CDK14: variants seen among roughly 807,000 people sequenced by gnomAD.
The protein encoded by CDK14 is cyclin-dependent kinase 14.
A neutral mutation model predicts 60.7 loss-of-function variants in CDK14; 34 were observed. The ratio of observed to expected loss-of-function variants is 0.56; its 90% CI spans 0.43 to 0.75. The LOEUF (loss-of-function observed/expected upper bound fraction) is 0.75. CDK14 is among the 30% of genes least tolerant of loss of function. The pLI is 0.00. For missense variants in CDK14, 482 were observed against 564.1 expected (o/e 0.85, Z 1.47); for synonymous variants, 197 against 203.7 (o/e 0.97, Z 0.28).
chr7:91,074,858 AAACAC>A (rs1798250358), intron 11 of CDK14, among the ~76,000 whole-genome samples: 1 of 152,246 alleles, frequency 6.6e-6, no homozygotes, highest in Admixed American at 6.5e-5. Flanking sequence ...AGAATACTGT[AAACAC>A]CTCTACACAA....
At chr7:90,844,466 G>A (rs1790396491) in intron 5 of CDK14, among the ~76,000 whole-genome samples, 1 of 152,170 alleles carries the variant, frequency 6.6e-6, no homozygotes, top group Admixed American at 6.6e-5. Flanking sequence ...TCATGAGGTA[G>A]GACTTCTAAA....
intron 2 of CDK14, among the ~76,000 whole-genome samples, chr7:90,701,921 A>G (rs1465528904): frequency 2.0e-5 from 3 of 152,092 alleles, no homozygotes; most frequent in East Asian, 3.9e-4. Context: ...GCTTCTTTAC[A>G]GGTCGAGAGA....
intron 7 of CDK14, among the ~76,000 whole-genome samples, chr7:90,908,739 C>G (rs1436880176): frequency 1.3e-5 from 2 of 152,144 alleles, no homozygotes; most frequent in African/African-American, 4.8e-5. Context: ...TTTCTCGTTC[C>G]TGTATAAATT....
intron 8 of CDK14, among the ~76,000 whole-genome samples, chr7:90,922,865 C>T (rs1000757427): frequency 1.3e-5 from 2 of 152,038 alleles, no homozygotes; most frequent in African/African-American, 4.8e-5. Context: ...TTAGAAGCGT[C>T]TTAGGTTCAC....
intron 14 of CDK14, among the ~76,000 whole-genome samples, chr7:91,168,524 C>G (rs2115785766): frequency 6.6e-6 from 1 of 152,214 alleles, no homozygotes; most frequent in Admixed American, 6.5e-5. Context: ...TGCTATTCAC[C>G]TTTTATCTAT....
At chr7:91,206,705 A>G (rs979150568) in intron 14 of CDK14, among the ~76,000 whole-genome samples, 1 of 152,218 alleles carries the variant, frequency 6.6e-6, no homozygotes, top group Admixed American at 6.5e-5. Flanking sequence ...ATAATAGGCA[A>G]CCAAGGAATT....
chr7:90,865,493 A>C (rs1791148547), intron 6 of CDK14, among the ~76,000 whole-genome samples: 1 of 152,160 alleles, frequency 6.6e-6, no homozygotes, highest in East Asian at 1.9e-4. Context: ...CTTTCCTCAC[A>C]GTGTCTAGCA....
intron 7 of CDK14, among the ~76,000 whole-genome samples, chr7:90,904,076 G>C (rs1792613336): frequency 6.6e-6 from 1 of 152,094 alleles, no homozygotes; most frequent in African/African-American, 2.4e-5. Flanking sequence ...TCCTCAGTCT[G>C]CCAGCAGGGG....
chr7:90,975,420 G>A (rs748417528), intron 9 of CDK14, among the ~76,000 whole-genome samples: 9 of 151,688 alleles, frequency 5.9e-5, no homozygotes, highest in Non-Finnish European at 1.3e-4. Flanking sequence ...AATGTATAGT[G>A]ATCAGATCAG....
At chr7:90,655,683 C>T (rs1052823861) in intron 2 of CDK14, among the ~76,000 whole-genome samples, 1 of 152,202 alleles carries the variant, frequency 6.6e-6, no homozygotes, top group Admixed American at 6.5e-5. Flanking sequence ...ATTACAAATG[C>T]ATATCTAGAG....
chr7:90,614,217 C>T (rs1799604719), intron 2 of CDK14, among the ~76,000 whole-genome samples: 1 of 152,048 alleles, frequency 6.6e-6, no homozygotes, highest in South Asian at 2.1e-4. Context: ...GTTGGTCAGG[C>T]TGGTCTCAAA....
intron 2 of CDK14, among the ~76,000 whole-genome samples, chr7:90,646,213 G>A (rs941338642): frequency 1.3e-5 from 2 of 152,244 alleles, no homozygotes; most frequent in East Asian, 1.9e-4. Context: ...GGAAGCCTCC[G>A]GTTGTTGAGT....
chr7:90,834,453 G>C (rs1361607466), intron 5 of CDK14, among the ~76,000 whole-genome samples: 1 of 152,142 alleles, frequency 6.6e-6, no homozygotes, highest in African/African-American at 2.4e-5. Context: ...GTAGGGCCTT[G>C]TGTATGAAAG....
intron 7 of CDK14, among the ~76,000 whole-genome samples, chr7:90,904,116 G>T (rs1792615303): frequency 1.3e-5 from 2 of 152,152 alleles, no homozygotes; most frequent in African/African-American, 4.8e-5. Context: ...TAAGGTGGGG[G>T]TTGTGTAGGT....
intron 9 of CDK14, among the ~76,000 whole-genome samples, chr7:90,983,602 C>G (rs1795296190): frequency 6.6e-6 from 1 of 151,748 alleles, no homozygotes; most frequent in Non-Finnish European, 1.5e-5. Context: ...ATGGCGTGAA[C>G]CCAGGAGGTA....
At chr7:90,627,622 A>G (rs759406752) in intron 2 of CDK14, among the ~76,000 whole-genome samples, 2 of 152,238 alleles carry the variant, frequency 1.3e-5, no homozygotes, top group African/African-American at 2.4e-5. Context: ...ATCTGGCCTC[A>G]TGTCTTTGCT....
intron 5 of CDK14, among the ~76,000 whole-genome samples, chr7:90,810,755 A>C (rs1789063666): frequency 6.6e-6 from 1 of 152,028 alleles, no homozygotes; most frequent in Non-Finnish European, 1.5e-5. Flanking sequence ...GCTGATAAGC[A>C]ACTTCAGCAA....
intron 5 of CDK14, among the ~76,000 whole-genome samples, chr7:90,849,398 C>G (rs1038775665): frequency 6.6e-6 from 1 of 151,936 alleles, no homozygotes; most frequent in Non-Finnish European, 1.5e-5. Flanking sequence ...TTTGAATTAC[C>G]CAGCCTCAGT....
At chr7:91,039,337 A>G (rs574313682) in intron 10 of CDK14, among the ~76,000 whole-genome samples, 2 of 152,328 alleles carry the variant, frequency 1.3e-5, no homozygotes, top group African/African-American at 4.8e-5. Flanking sequence ...TCTTCTACAC[A>G]TAGGAAAGGG....
Sources: gnomAD v4.1 joint callset for allele counts (sites outside exome capture counted in the v4.1 genomes callset) on GRCh38, gnomAD v4.1.1 for gene constraint, MANE v1.5 for transcripts, NCBI Gene and HGNC (gene_info 2026-07-23, HGNC 2026-07-21) for gene names.